Variants in FUT8 observed in about 807,000 individuals in gnomAD.
The protein encoded by FUT8 is alpha-(1,6)-fucosyltransferase.
Under a neutral mutation model 71.3 loss-of-function variants are expected in FUT8, and 29 were observed. The ratio of observed to expected loss-of-function variants is 0.41; its 90% CI spans 0.30 to 0.55. FUT8 has a LOEUF of 0.55. Ranked by LOEUF, FUT8 falls within the 20% of genes least tolerant of loss-of-function variation. The pLI, the probability that FUT8 is intolerant of heterozygous loss-of-function variation, is 0.34. For synonymous variants in FUT8, 254 were observed against 239.3 expected (o/e 1.06, Z -0.57); for missense variants, 544 against 702.1 (o/e 0.77, Z 2.55).
intron 6 of FUT8, among the ~76,000 whole-genome samples, chr14:65,645,225 C>A (rs1450170787): frequency 2.0e-5 from 3 of 152,048 alleles, no homozygotes. Flanking sequence ...GGATTGACTC[C>A]AGGATGAAAA....
At chr14:65,646,722 C>G (rs1420587266) in intron 6 of FUT8, 1 of 151,950 alleles carries the variant, frequency 6.6e-6, no homozygotes, top group Admixed American at 6.6e-5. Flanking sequence ...CTTCCTCTAT[C>G]CCTCCCCTCT....
chr14:65,479,450 T>C (rs560535875), intron 2 of FUT8, among the ~76,000 whole-genome samples: 22 of 152,324 alleles, frequency 1.4e-4, no homozygotes, highest in South Asian at 6.2e-4. Context: ...TATTTCTCAG[T>C]TGGTGGAAAG....
chr14:65,405,970 C>G (rs556656878), upstream of FUT8, among the ~76,000 whole-genome samples: 4 of 152,336 alleles, frequency 2.6e-5, no homozygotes, highest in South Asian at 8.3e-4. Context: ...GGTCACACAG[C>G]TCTCGCTGCC....
chr14:65,634,699 T>G (rs1890450245), intron 6 of FUT8, among the ~76,000 whole-genome samples: 1 of 152,220 alleles, frequency 6.6e-6, no homozygotes, highest in Non-Finnish European at 1.5e-5. Flanking sequence ...TGTGCCTATT[T>G]TTATACCAGT....
At chr14:65,693,005 T>C (rs1327740745) in intron 7 of FUT8, among the ~76,000 whole-genome samples, 3 of 149,966 alleles carry the variant, frequency 2.0e-5, no homozygotes, top group Admixed American at 6.6e-5. Flanking sequence ...CGGGCAGAGA[T>C]GCTCCTCACT....
At chr14:65,677,497 C>G (rs1389394202) in intron 7 of FUT8, among the ~76,000 whole-genome samples, 2 of 152,050 alleles carry the variant, frequency 1.3e-5, no homozygotes, top group African/African-American at 4.8e-5. Context: ...GAAATTGCAA[C>G]TAGTGATACT....
At chr14:65,484,504 T>C (rs1407214025) in intron 2 of FUT8, among the ~76,000 whole-genome samples, 1 of 152,092 alleles carries the variant, frequency 6.6e-6, no homozygotes, top group African/African-American at 2.4e-5. Flanking sequence ...ATCCCATGTT[T>C]GTTTTTTTTA....
At chr14:65,677,024 T>C (rs912196744) in intron 7 of FUT8, among the ~76,000 whole-genome samples, 5 of 152,088 alleles carry the variant, frequency 3.3e-5, no homozygotes, top group African/African-American at 9.7e-5. Flanking sequence ...AGTGGAGTTA[T>C]ACATATTTTT....
intron 2 of FUT8, among the ~76,000 whole-genome samples, chr14:65,510,669 C>T (rs1016623453): frequency 1.3e-5 from 2 of 151,996 alleles, no homozygotes; most frequent in African/African-American, 4.8e-5. Flanking sequence ...TTGTATGTGT[C>T]TAGGAATTTG....
At chr14:65,449,923 G>A (rs867250558) in intron 1 of FUT8, among the ~76,000 whole-genome samples, 3 of 152,128 alleles carry the variant, frequency 2.0e-5, no homozygotes, top group Admixed American at 6.5e-5. Flanking sequence ...CTTTTTATGG[G>A]TAAATAGCCC....
chr14:65,736,089 A>G (rs1033872778), intron 10 of FUT8, among the ~76,000 whole-genome samples: 4 of 152,130 alleles, frequency 2.6e-5, no homozygotes, highest in Non-Finnish European at 4.4e-5. Context: ...TTGACCAATT[A>G]CTGGCTGTGT....
intron 5 of FUT8, among the ~76,000 whole-genome samples, chr14:65,623,833 C>CTCATACTAGGTCTTTAGTATG (rs1889755213): frequency 6.6e-6 from 1 of 152,178 alleles, no homozygotes; most frequent in Non-Finnish European, 1.5e-5. Context: ...TTTGTTATTT[C>CTCATACTAGGTCTTTAGTATG]CCAAACCTTG....
chr14:65,678,270 G>C (rs534683724), intron 7 of FUT8, among the ~76,000 whole-genome samples: 9 of 152,236 alleles, frequency 5.9e-5, no homozygotes, highest in South Asian at 2.1e-4. Flanking sequence ...TTTTTGTGTA[G>C]CCATCCTCCC....
intron 5 of FUT8, among the ~76,000 whole-genome samples, chr14:65,628,527 AT>A (rs1890015057): frequency 6.6e-6 from 1 of 152,200 alleles, no homozygotes; most frequent in Non-Finnish European, 1.5e-5. Flanking sequence ...TATGTGAAAA[AT>A]TAGAAATTAG....
chr14:65,376,618 G>T, the FUT8 span, among the ~76,000 whole-genome samples: 3 of 145,460 alleles, frequency 2.1e-5, no homozygotes, highest in African/African-American at 7.5e-5. Flanking sequence ...CACCATGTTG[G>T]TCAGGCTGGT....
intron 3 of FUT8, among the ~76,000 whole-genome samples, chr14:65,581,743 A>T (rs1218691929): frequency 6.6e-6 from 1 of 151,716 alleles, no homozygotes; most frequent in Non-Finnish European, 1.5e-5. Context: ...ATGATACGTG[A>T]GTTTGTATAT....
At chr14:65,488,167 G>T (rs1414914956) in intron 2 of FUT8, among the ~76,000 whole-genome samples, 1 of 152,162 alleles carries the variant, frequency 6.6e-6, no homozygotes, top group African/African-American at 2.4e-5. Context: ...TGTAGTAGAG[G>T]AAACAGTAAT....
intron 1 of FUT8, among the ~76,000 whole-genome samples, chr14:65,418,954 C>T (rs533323096): frequency 7.2e-5 from 11 of 152,224 alleles, no homozygotes; most frequent in African/African-American, 1.4e-4. Flanking sequence ...ATAGGCCGGG[C>T]GCGGTGGCTC....
chr14:65,545,429 T>C (rs1884933444), intron 2 of FUT8, among the ~76,000 whole-genome samples: 1 of 151,926 alleles, frequency 6.6e-6, no homozygotes, highest in Non-Finnish European at 1.5e-5. Flanking sequence ...TATAATTCTC[T>C]TTATCAACTT....
Sources: allele counts gnomAD v4.1 joint callset (sites outside exome capture counted in the v4.1 genomes callset), GRCh38; gene constraint gnomAD v4.1.1; transcripts MANE v1.5; gene names NCBI Gene and HGNC (gene_info 2026-07-23, HGNC 2026-07-21).